Variants in ZNF423 observed in about 807,000 individuals in gnomAD.
ZNF423 encodes the protein Ebf-associated zinc finger protein.
ZNF423 carries 12 observed loss-of-function variants against 95.8 expected under a neutral mutation model. That is an observed-to-expected ratio of 0.13 (90% confidence interval 0.08 to 0.20). The LOEUF (loss-of-function observed/expected upper bound fraction) is 0.20, where lower values mean the gene tolerates loss of function less well. Among genes scored for constraint, ZNF423 ranks in the 10% least tolerant of loss-of-function variants. The pLI is 1.00. For missense variants in ZNF423, 1,316 were observed against 1,737.1 expected (o/e 0.76, Z 4.31); for synonymous variants, 749 against 711.9 (o/e 1.05, Z -0.83).
intron 2 of ZNF423, among the ~76,000 whole-genome samples, chr16:49,758,534 G>A (rs890857440): frequency 2.6e-5 from 4 of 152,082 alleles, no homozygotes. Flanking sequence ...TTGAAGCCAG[G>A]ACTTCAAGAC....
intron 7 of ZNF423, among the ~76,000 whole-genome samples, chr16:49,501,933 T>G (rs748207502): frequency 2.0e-5 from 3 of 152,172 alleles, no homozygotes; most frequent in Non-Finnish European, 2.9e-5. Context: ...AGGTACTATG[T>G]TCATGACCTG....
intron 2 of ZNF423, among the ~76,000 whole-genome samples, chr16:49,777,196 T>G (rs1430226999): frequency 6.6e-6 from 1 of 152,202 alleles, no homozygotes; most frequent in African/African-American, 2.4e-5. Context: ...GGAACATGTA[T>G]GTGAAGGCCC....
At chr16:49,590,555 C>A (rs1347906909) in intron 5 of ZNF423, among the ~76,000 whole-genome samples, 1 of 152,186 alleles carries the variant, frequency 6.6e-6, no homozygotes, top group East Asian at 1.9e-4. Flanking sequence ...TCTGCACATC[C>A]CATACAGGAG....
intron 7 of ZNF423, among the ~76,000 whole-genome samples, chr16:49,511,436 C>T (rs1205809311): frequency 6.6e-6 from 1 of 152,242 alleles, no homozygotes; most frequent in Non-Finnish European, 1.5e-5. Flanking sequence ...GACTGCCTGG[C>T]CTCACATTTC....
At chr16:49,578,257 C>T (rs1970559092) in intron 5 of ZNF423, among the ~76,000 whole-genome samples, 1 of 152,244 alleles carries the variant, frequency 6.6e-6, no homozygotes, top group South Asian at 2.1e-4. Flanking sequence ...CCAGAGGTGG[C>T]CTCTGTCCAG....
intron 3 of ZNF423, among the ~76,000 whole-genome samples, chr16:49,690,098 C>A (rs886991132): frequency 1.3e-5 from 2 of 152,230 alleles, no homozygotes; most frequent in Non-Finnish European, 2.9e-5. Flanking sequence ...CTACTAAGTG[C>A]AGCCCAGTGT....
intron 3 of ZNF423, among the ~76,000 whole-genome samples, chr16:49,682,938 G>A (rs775495230): frequency 2.0e-5 from 3 of 152,200 alleles, no homozygotes; most frequent in Non-Finnish European, 2.9e-5. Context: ...GCGCAGAGCC[G>A]CAACCCCACC....
intron 1 of ZNF423, among the ~76,000 whole-genome samples, chr16:49,818,574 A>C (rs1012662548): frequency 6.6e-6 from 1 of 151,756 alleles, no homozygotes; most frequent in African/African-American, 2.4e-5. Context: ...CAACACAGAG[A>C]TACCCCATGT....
At chr16:49,770,417 G>A (rs2034011511) in intron 2 of ZNF423, among the ~76,000 whole-genome samples, 1 of 152,188 alleles carries the variant, frequency 6.6e-6, no homozygotes, top group Non-Finnish European at 1.5e-5. Flanking sequence ...TGAGCCTGGT[G>A]CTAGATTACT....
chr16:49,514,246 GCACA>G (rs757863199), intron 7 of ZNF423, among the ~76,000 whole-genome samples: 6 of 139,042 alleles, frequency 4.3e-5, no homozygotes, highest in Non-Finnish European at 6.3e-5. Flanking sequence ...ACACGCACAC[GCACA>G]CACACACACA....
At chr16:49,723,172 G>A (rs1437653240) in intron 3 of ZNF423, among the ~76,000 whole-genome samples, 1 of 151,954 alleles carries the variant, frequency 6.6e-6, no homozygotes, top group African/African-American at 2.4e-5. Context: ...AGCCAGGATG[G>A]TTTCAATCTC....
At chr16:49,631,020 C>T (rs1422495367) in intron 4 of ZNF423, among the ~76,000 whole-genome samples, 2 of 152,140 alleles carry the variant, frequency 1.3e-5, no homozygotes. Flanking sequence ...GACACACCCG[C>T]AACCCCTACA....
At chr16:49,743,103 C>G (rs2033448730) in intron 2 of ZNF423, among the ~76,000 whole-genome samples, 1 of 152,186 alleles carries the variant, frequency 6.6e-6, no homozygotes, top group Admixed American at 6.5e-5. Flanking sequence ...GAGGACAGAA[C>G]TCTAAGACAA....
At chr16:49,743,801 A>G (rs1050424393) in intron 2 of ZNF423, among the ~76,000 whole-genome samples, 3 of 152,130 alleles carry the variant, frequency 2.0e-5, no homozygotes, top group African/African-American at 7.2e-5. Flanking sequence ...GTCGCAGTGC[A>G]GAGGCTCCAC....
At chr16:49,525,223 C>T (rs1968556512) in intron 6 of ZNF423, 140 bp downstream of exon 6, 1 of 1,296,538 alleles carries the variant, frequency 7.7e-7, no homozygotes. Context: ...GTTAATCCCT[C>T]AGGGTATCCC....
intron 1 of ZNF423, among the ~76,000 whole-genome samples, chr16:49,799,535 G>A (rs1399839048): frequency 2.0e-5 from 3 of 151,990 alleles, no homozygotes; most frequent in African/African-American, 7.3e-5. Context: ...GGAGGTGACA[G>A]CCAAGGGGCT....
intron 3 of ZNF423, among the ~76,000 whole-genome samples, chr16:49,650,521 T>C (rs1973358980): frequency 6.6e-6 from 1 of 152,184 alleles, no homozygotes; most frequent in Admixed American, 6.5e-5. Context: ...GCGCAGCACC[T>C]CACACCCATT....
chr16:49,648,337 G>C (rs537213730), intron 3 of ZNF423, among the ~76,000 whole-genome samples: 13 of 152,276 alleles, frequency 8.5e-5, no homozygotes, highest in Admixed American at 7.8e-4. Context: ...AAAGAAAAAA[G>C]ATTAAGAAAA....
At chr16:49,705,792 C>T (rs898677135) in intron 3 of ZNF423, among the ~76,000 whole-genome samples, 7 of 152,214 alleles carry the variant, frequency 4.6e-5, no homozygotes, top group Non-Finnish European at 1.0e-4. Flanking sequence ...AGGTGACCCA[C>T]CCACCTTGGC....
Sources: allele counts gnomAD v4.1 joint callset (sites outside exome capture counted in the v4.1 genomes callset), GRCh38; gene constraint gnomAD v4.1.1; transcripts MANE v1.5; gene names NCBI Gene and HGNC (gene_info 2026-07-23, HGNC 2026-07-21).